The following PCDH15 variants were observed in gnomAD, a reference collection of about 807,000 sequenced individuals.
PCDH15 encodes the protein protocadherin-15.
In PCDH15, 129 loss-of-function variants were observed where a neutral mutation model predicts 178.5. The ratio of observed to expected loss-of-function variants is 0.72; its 90% CI spans 0.63 to 0.84. PCDH15 has a LOEUF of 0.84. Among genes scored for constraint, PCDH15 ranks in the 40% least tolerant of loss-of-function variants. The pLI is 0.00. For missense variants in PCDH15, 2,230 were observed against 2,099.9 expected (o/e 1.06, Z -1.21); for synonymous variants, 800 against 732.0 (o/e 1.09, Z -1.50).
intron 26 of PCDH15, among the ~76,000 whole-genome samples, chr10:53,901,747 A>G (rs1490330779): frequency 1.3e-5 from 2 of 152,142 alleles, no homozygotes; most frequent in Non-Finnish European, 2.9e-5. Flanking sequence ...CTTTACAGAG[A>G]AATCCCAGAA....
intron 1 of PCDH15, among the ~76,000 whole-genome samples, chr10:54,783,935 G>T (rs1950600972): frequency 6.6e-6 from 1 of 152,106 alleles, no homozygotes. Flanking sequence ...TCAGAGTTCA[G>T]CCTGGCTAGG....
chr10:54,304,579 T>C (rs1243922889), intron 8 of PCDH15, among the ~76,000 whole-genome samples: 1 of 152,108 alleles, frequency 6.6e-6, no homozygotes, highest in Non-Finnish European at 1.5e-5. Flanking sequence ...GAATCATGTG[T>C]ACTTTGGTAA....
At chr10:54,320,334 G>T (rs932851440) in intron 7 of PCDH15, among the ~76,000 whole-genome samples, 4 of 151,782 alleles carry the variant, frequency 2.6e-5, no homozygotes, top group Non-Finnish European at 5.9e-5. Flanking sequence ...TCTTCCCTTA[G>T]AAGCCTCCTC....
rs1554892342 is a variant in PCDH15 at position 54,309,355 on chromosome 10, A to ACT, written c.876+7914_876+7915dup. On this transcript the variant is annotated intron_variant, in intron 8 of 37. Transcript: ENST00000644397. ...CACACACACACACACACACACACAC[A>ACT]CTTCACATATGTACCTTTACAACCA... Among the ~76,000 whole-genome samples, 319 of 145,502 alleles carry ACT rather than the reference A, an allele frequency of 2.2e-3. 1 individual carries two copies. In the East Asian group the frequency reaches 0.031, roughly 14 times the overall value.
intron 5 of PCDH15, among the ~76,000 whole-genome samples, 194 bp from the exon 6 acceptor site, chr10:54,346,678 A>G (rs1237170960): frequency 6.6e-6 from 1 of 152,124 alleles, no homozygotes; most frequent in Non-Finnish European, 1.5e-5. Flanking sequence ...GAAATGTCCA[A>G]CTTTGTGATT....
chr10:54,344,163 T>C (rs954384629), intron 6 of PCDH15, among the ~76,000 whole-genome samples: 4 of 152,208 alleles, frequency 2.6e-5, no homozygotes, highest in Non-Finnish European at 5.9e-5. Flanking sequence ...TAATCCTTTT[T>C]TCCTTCAATA....
At chr10:55,319,070 CACAA>C (rs972779158) in intron 1 of PCDH15, among the ~76,000 whole-genome samples, 2 of 151,254 alleles carry the variant, frequency 1.3e-5, no homozygotes, top group African/African-American at 4.9e-5. Flanking sequence ...CACACACACA[CACAA>C]ACACACACGA....
At chr10:54,749,828 G>A in intron 1 of PCDH15, among the ~76,000 whole-genome samples, 1 of 152,038 alleles carries the variant, frequency 6.6e-6, no homozygotes. Flanking sequence ...GTTTTCTTGA[G>A]CAATTGTTGA....
At chr10:54,590,553 G>T (rs1362684835) in intron 2 of PCDH15, among the ~76,000 whole-genome samples, 1 of 152,090 alleles carries the variant, frequency 6.6e-6, no homozygotes, top group Non-Finnish European at 1.5e-5. Flanking sequence ...TATCTACGGA[G>T]AATTATTTTC....
intron 2 of PCDH15, among the ~76,000 whole-genome samples, chr10:54,922,953 C>A (rs566965312): frequency 6.6e-6 from 1 of 152,302 alleles, no homozygotes; most frequent in African/African-American, 2.4e-5. Context: ...GCTCCAACCC[C>A]ATATTTCCTC....
chr10:55,300,019 T>A (rs931976164), intron 1 of PCDH15, among the ~76,000 whole-genome samples: 4 of 152,208 alleles, frequency 2.6e-5, no homozygotes, highest in African/African-American at 9.6e-5. Flanking sequence ...AATTTCATAT[T>A]AATAAATGCA....
At chr10:54,072,008 T>G (rs2094253585) in intron 17 of PCDH15, among the ~76,000 whole-genome samples, 1 of 152,076 alleles carries the variant, frequency 6.6e-6, no homozygotes, top group Non-Finnish European at 1.5e-5. Flanking sequence ...TTGTACTACA[T>G]GCTGAAATAA....
intron 11 of PCDH15, among the ~76,000 whole-genome samples, chr10:54,188,078 A>T (rs1312476034): frequency 2.0e-5 from 3 of 151,832 alleles, no homozygotes; most frequent in Non-Finnish European, 4.4e-5. Context: ...CAATATTTAC[A>T]GTTCAAGGTT....
chr10:54,793,933 T>C (rs1016360182), intron 1 of PCDH15, among the ~76,000 whole-genome samples: 1 of 147,774 alleles, frequency 6.8e-6, no homozygotes, highest in African/African-American at 2.5e-5. Flanking sequence ...TACAAAGTTG[T>C]ATAGGAAAAC....
At chr10:55,343,563 A>T (rs1280345540) in intron 2 of PCDH15, among the ~76,000 whole-genome samples, 7 of 151,858 alleles carry the variant, frequency 4.6e-5, no homozygotes, top group African/African-American at 1.7e-4. Context: ...AACTGGCAAG[A>T]TTCCTGTAGT....
chr10:55,095,577 T>C (rs1158990497), intron 2 of PCDH15, among the ~76,000 whole-genome samples: 1 of 152,074 alleles, frequency 6.6e-6, no homozygotes, highest in Non-Finnish European at 1.5e-5. Context: ...TTAGATATTG[T>C]AGAGGTTTTG....
chr10:53,991,347 G>T (rs182313079), intron 21 of PCDH15, among the ~76,000 whole-genome samples: 3 of 152,180 alleles, frequency 2.0e-5, no homozygotes, highest in Non-Finnish European at 4.4e-5. Context: ...AGCACTCTGT[G>T]TCTAGCTTGG....
At chr10:54,025,783 C>T (rs2093066401) in intron 18 of PCDH15, among the ~76,000 whole-genome samples, 1 of 152,124 alleles carries the variant, frequency 6.6e-6, no homozygotes, top group African/African-American at 2.4e-5. Context: ...AGGCGTGAGC[C>T]ACTGCGCCTG....
chr10:54,037,553 GC>G (rs760591075), intron 18 of PCDH15, among the ~76,000 whole-genome samples: 6 of 90,614 alleles, frequency 6.6e-5, no homozygotes, highest in South Asian at 2.7e-4. Flanking sequence ...CAGACACAAT[GC>G]TAATTGCAGT....
Sources: allele counts gnomAD v4.1 joint callset (sites outside exome capture counted in the v4.1 genomes callset), GRCh38; gene constraint gnomAD v4.1.1; transcripts MANE v1.5; gene names NCBI Gene and HGNC (gene_info 2026-07-23, HGNC 2026-07-21).